Variants in STX7 observed in about 807,000 individuals in gnomAD.
STX7 encodes syntaxin 7, also known as syntaxin-7.
STX7 carries 34 observed loss-of-function variants against 39.6 expected under a neutral mutation model. The observed-to-expected ratio is 0.86, with a 90% CI of 0.65 to 1.14. STX7 has a LOEUF of 1.14. Among genes scored for constraint, STX7 ranks in the 50% most tolerant of loss-of-function variants. The pLI is 0.00. For synonymous variants in STX7, 119 were observed against 99.1 expected (o/e 1.20, Z -1.19); for missense variants, 284 against 310.4 (o/e 0.92, Z 0.64).
At chr6:132,498,544 G>A (rs1775474469) in intron 2 of STX7, among the ~76,000 whole-genome samples, 1 of 152,146 alleles carries the variant, frequency 6.6e-6, no homozygotes. Flanking sequence ...TTTAACAGAT[G>A]CTCATATTCT....
intron 2 of STX7, among the ~76,000 whole-genome samples, chr6:132,482,412 G>GA (rs1421747815): frequency 6.6e-6 from 1 of 151,970 alleles, no homozygotes; most frequent in African/African-American, 2.4e-5. Context: ...ATCAAATTTG[G>GA]AAAAAATATT....
rs1774267956 is a variant in STX7, at chr6:132,457,395, A to C, written c.*3363T>G. The C allele has an allele frequency of 6.6e-6, 1 of 152,200 alleles. No individual in the cohort carries two copies. Among genetic ancestry groups the C allele is most frequent in the South Asian group, 2.1e-4 (1 of 4,826 alleles). 9.4% of individuals were successfully genotyped at this position (152,200 alleles called of 1,614,324 possible). A position where few individuals can be genotyped will look rare whatever the true frequency, so the allele number is the denominator to read the frequency against. On this transcript the variant is annotated 3_prime_UTR_variant, in exon 10 of 10. Coordinates refer to ENST00000367941, the MANE Select transcript of STX7 (RefSeq NM_003569.3). ...CTGGCAACCAGGTAATTTCTTTCCTATCTTTCATGTCACAGTATTTTGAGG... is the reference window on the plus strand; with the variant it reads ...CTGGCAACCAGGTAATTTCTTTCCTCTCTTTCATGTCACAGTATTTTGAGG...
intron 1 of STX7, among the ~76,000 whole-genome samples, chr6:132,509,274 A>G (rs936350973): frequency 3.9e-5 from 6 of 151,996 alleles, no homozygotes; most frequent in African/African-American, 1.5e-4. Context: ...CCTGGCCAAC[A>G]TGGTGAAATC....
chr6:132,503,522 G>A lies in STX7; in HGVS notation c.9C>T (p.Tyr3=), dbSNP rs1348395024. ...CGGGGTCACCACCAACTCCTGGAGT[G>A]TAAGACATGGTTGATGTTCTTATTC... The part of the protein sequence containing the change: MS[Y]TPGVGGDPAQ... The change falls in exon 2 of 10, where the codon TAC becomes TAT. Residue 3 remains tyrosine, a synonymous_variant. Transcript: ENST00000367941. 2 of 1,613,752 alleles carry A rather than the reference G, an allele frequency of 1.2e-6. No homozygotes were observed. The highest frequency in any genetic ancestry group is 3.3e-5 in the Admixed American group (2 of 60,004).
rs1774226451 is a variant in STX7 at position 132,455,669 on chromosome 6, T to C, written c.*5089A>G. On this transcript the variant is annotated 3_prime_UTR_variant, in exon 10 of 10. Coordinates refer to ENST00000367941, the MANE Select transcript of STX7 (RefSeq NM_003569.3). ...AACCTCTTAAAAACTTGCCAGAAGC[T>C]ACAGTGTCTACAAAAACCTATTTAG... 1 of 152,188 alleles carries C rather than the reference T, an allele frequency of 6.6e-6. No individual in the cohort carries two copies. Among genetic ancestry groups the C allele is most frequent in the Non-Finnish European group, 1.5e-5 (1 of 68,034 alleles). 9.4% of individuals were successfully genotyped at this position (152,188 alleles called of 1,614,324 possible). A position where few individuals can be genotyped will look rare whatever the true frequency, so the allele number is the denominator to read the frequency against.
At chr6:132,476,901 A>C (rs988070794) in intron 2 of STX7, among the ~76,000 whole-genome samples, 1 of 152,172 alleles carries the variant, frequency 6.6e-6, no homozygotes, top group African/African-American at 2.4e-5. Context: ...AAATAAGCTG[A>C]AAATCCAAAG....
At chr6:132,490,047 T>A (rs1342452301) in intron 2 of STX7, among the ~76,000 whole-genome samples, 1 of 152,246 alleles carries the variant, frequency 6.6e-6, no homozygotes. Flanking sequence ...ATTTTTCACA[T>A]GGATCTGCTC....
intron 3 of STX7, among the ~76,000 whole-genome samples, chr6:132,474,334 C>T (rs1395055356): frequency 1.3e-5 from 2 of 149,392 alleles, no homozygotes; most frequent in African/African-American, 4.9e-5. Flanking sequence ...TTATGTACTT[C>T]TATTCCATTT....
At chr6:132,464,302 C>T (rs893838969) in intron 8 of STX7, among the ~76,000 whole-genome samples, 1 of 152,134 alleles carries the variant, frequency 6.6e-6, no homozygotes, top group Non-Finnish European at 1.5e-5. Context: ...TATAACAGAA[C>T]CTTAATCATC....
Position 132,450,826 on chromosome 6 carries a change from AAAGAAAG to A in STX7, c.*9925_*9931del, listed in dbSNP as rs1774122476. 1 of 152,252 alleles carries A rather than the reference AAAGAAAG, an allele frequency of 6.6e-6. No individual in the cohort carries two copies. The highest frequency in any genetic ancestry group is 2.4e-5 in the African/African-American group (1 of 41,562). The allele number at this position is 152,252 out of a possible 1,614,324, so 9.4% of individuals were successfully genotyped here. A position where few individuals can be genotyped will look rare whatever the true frequency, so the allele number is the denominator to read the frequency against. ...TAACATTTGTGTCATCAGAGTCTCA[AAAGAAAG>A]AAGAAAGAAGGAAGACTGAAAAAGT... On this transcript the variant is annotated 3_prime_UTR_variant, in exon 10 of 10. Transcript: ENST00000367941.
intron 2 of STX7, among the ~76,000 whole-genome samples, chr6:132,488,148 C>T (rs1391290795): frequency 6.6e-6 from 1 of 152,156 alleles, no homozygotes; most frequent in Non-Finnish European, 1.5e-5. Flanking sequence ...TGATCCATAG[C>T]TTATTTGAAA....
Position 132,454,631 on chromosome 6 carries a change from C to G in STX7, c.*6127G>C, listed in dbSNP as rs185988199. 1 of 152,182 alleles carries G rather than the reference C, an allele frequency of 6.6e-6. No individual in the cohort carries two copies. The highest frequency in any genetic ancestry group is 1.9e-4 in the East Asian group (1 of 5,184). The allele number at this position is 152,182 out of a possible 1,614,324, so 9.4% of individuals were successfully genotyped here. The stretch of plus-strand genomic sequence containing the variant: ...GAAAGTATTGGTCACATACTCCATT[C>G]TAGATTTAAAGAAAATTTAAAACAA... On this transcript the variant is annotated 3_prime_UTR_variant, in exon 10 of 10. Coordinates refer to ENST00000367941, the MANE Select transcript of STX7 (RefSeq NM_003569.3).
chr6:132,465,334 T>TTTTCAAC (rs145967325), intron 8 of STX7, among the ~76,000 whole-genome samples: 15,025 of 152,062 alleles, frequency 0.099, 855 homozygotes, highest in East Asian at 0.16. Context: ...GCTCCAACAA[T>TTTTCAAC]TTTCAACTTT....
intron 2 of STX7, among the ~76,000 whole-genome samples, chr6:132,491,366 A>G (rs1218879116): frequency 1.3e-5 from 2 of 152,170 alleles, no homozygotes; most frequent in Non-Finnish European, 1.5e-5. Flanking sequence ...TGCACTGACT[A>G]ACTAGAGACT....
At chr6:132,482,018 C>A (rs1043327014) in intron 2 of STX7, among the ~76,000 whole-genome samples, 1 of 152,074 alleles carries the variant, frequency 6.6e-6, no homozygotes, top group East Asian at 1.9e-4. Flanking sequence ...GAAGGCAAGG[C>A]CTAAGTTTTA....
rs573840170 is a variant in STX7 at position 132,510,431 on chromosome 6, T to C, written c.-59+2576A>G. ...AGGTTATTTTAAGCTGCTAACAAGA[T>C]AACTGATTGCAGTAAGAAACTACAC... is the stretch of plus-strand genomic sequence containing the variant. On this transcript the variant is annotated intron_variant, in intron 1 of 9. Coordinates refer to ENST00000367941, the MANE Select transcript of STX7 (RefSeq NM_003569.3). 7.0e-4 allele frequency among the ~76,000 whole-genome samples: 106 copies of C among 152,362 alleles called. 1 individual carries two copies. The highest frequency in any genetic ancestry group is 2.5e-3 in the African/African-American group (104 of 41,594).
chr6:132,471,492 C>G lies in STX7; in HGVS notation c.358G>C (p.Ala120Pro). 6.2e-7 allele frequency: 1 copy of G among 1,613,966 alleles called. No individual in the cohort carries two copies. The highest frequency in any genetic ancestry group is 2.2e-5 in the East Asian group (1 of 44,872). ...ACTCTGGAACTGGCTCTTACTCGAGCAACAAACTCTTTCTCTCGCTCAGCA... is the reference window on the plus strand; with the variant it reads ...ACTCTGGAACTGGCTCTTACTCGAGGAACAAACTCTTTCTCTCGCTCAGCA... ...QAAEREKEFV[A>P]RVRASSRVSG... The change falls in exon 5 of 10, where the codon GCT becomes CCT. Residue 120 changes from alanine (A) to proline (P), a missense_variant. Physicochemically the swap from Ala to Pro is conservative, Grantham distance 27. Transcript: ENST00000367941.
chr6:132,455,146 T>G lies in STX7; in HGVS notation c.*5612A>C, dbSNP rs1031748064. 2.0e-5 allele frequency: 3 copies of G among 152,232 alleles called. No individual in the cohort carries two copies. Among genetic ancestry groups the G allele is most frequent in the African/African-American group, 7.2e-5 (3 of 41,460 alleles). The allele number at this position is 152,232 out of a possible 1,614,324, so 9.4% of individuals were successfully genotyped here. On this transcript the variant is annotated 3_prime_UTR_variant, in exon 10 of 10. Coordinates refer to ENST00000367941, the MANE Select transcript of STX7 (RefSeq NM_003569.3). ...CTTTTCACCGTCAAGTTTTTAGCTA[T>G]ACAAGTTATTAAAAAAGCAAAAGCT...
intron 8 of STX7, among the ~76,000 whole-genome samples, chr6:132,467,348 A>G (rs1333792085): frequency 6.6e-6 from 1 of 152,132 alleles, no homozygotes; most frequent in Non-Finnish European, 1.5e-5. Flanking sequence ...CTAAAATGTT[A>G]CCTATCAGTA....
Sources: allele counts gnomAD v4.1 joint callset (sites outside exome capture counted in the v4.1 genomes callset), GRCh38; gene constraint gnomAD v4.1.1; transcripts MANE v1.5; gene names NCBI Gene and HGNC (gene_info 2026-07-23, HGNC 2026-07-21).